The following TSC22D1 variants were observed in gnomAD, a reference collection of about 807,000 sequenced individuals.
The protein encoded by TSC22D1 is TSC22 domain family protein 1.
In TSC22D1, 9 loss-of-function variants were observed where a neutral mutation model predicts 74.2. The ratio of observed to expected loss-of-function variants is 0.12; its 90% CI spans 0.07 to 0.21. The LOEUF (loss-of-function observed/expected upper bound fraction) is 0.21, where lower values mean the gene tolerates loss of function less well. TSC22D1 is among the 10% of genes least tolerant of loss of function. TSC22D1 has a pLI of 1.00. For synonymous variants in TSC22D1, 586 were observed against 492.5 expected (o/e 1.19, Z -2.51); for missense variants, 1,427 against 1,304.7 (o/e 1.09, Z -1.44).
chr13:44,535,815 TAGAGG>T (rs1881102882), intron 1 of TSC22D1, among the ~76,000 whole-genome samples: 1 of 151,972 alleles, frequency 6.6e-6, no homozygotes, highest in Non-Finnish European at 1.5e-5. Flanking sequence ...ACTGATGATG[TAGAGG>T]AGAGTCTATG....
At chr13:44,555,488 C>T (rs1436009305) in intron 1 of TSC22D1, among the ~76,000 whole-genome samples, 1 of 152,130 alleles carries the variant, frequency 6.6e-6, no homozygotes. Context: ...AGCCTGTCAT[C>T]CCAGCTACTC....
chr13:44,545,545 T>C (rs1881765135), intron 1 of TSC22D1, among the ~76,000 whole-genome samples: 1 of 146,818 alleles, frequency 6.8e-6, no homozygotes, highest in African/African-American at 2.5e-5. Flanking sequence ...TTTATTCTTA[T>C]AATGGCCAGC....
chr13:44,501,797 G>T (rs1209532142), intron 1 of TSC22D1, among the ~76,000 whole-genome samples: 1 of 152,156 alleles, frequency 6.6e-6, no homozygotes, highest in African/African-American at 2.4e-5. Context: ...GTGTGAGAGA[G>T]AAAACATAAG....
chr13:44,524,719 AG>A lies in TSC22D1; in HGVS notation c.2912+48443del, dbSNP rs566235819. On this transcript the variant is annotated intron_variant, in intron 1 of 2. Coordinates refer to ENST00000458659, the MANE Select transcript of TSC22D1 (RefSeq NM_183422.4). ...GCCCAGCTAATTTTTGTATTATTTTAGAAGAGATGAGGTTTCACCATGTTGG... is the reference window on the plus strand; with the variant it reads ...GCCCAGCTAATTTTTGTATTATTTTAAAGAGATGAGGTTTCACCATGTTGG... Among the ~76,000 whole-genome samples the A allele has an allele frequency of 4.0e-3, 614 of 152,256 alleles. 4 individuals carry two copies. Among genetic ancestry groups the A allele is most frequent in the Middle Eastern group, 0.014 (4 of 292 alleles).
chr13:44,545,744 A>G (rs1372882704), intron 1 of TSC22D1, among the ~76,000 whole-genome samples: 4 of 152,178 alleles, frequency 2.6e-5, no homozygotes, highest in Non-Finnish European at 5.9e-5. Flanking sequence ...TGGGAGGCCA[A>G]GGCGGGTGGA....
chr13:44,517,857 A>ATATATATATTTTTT (rs10627677), intron 1 of TSC22D1, among the ~76,000 whole-genome samples: 2 of 16,176 alleles, frequency 1.2e-4, no homozygotes, highest in African/African-American at 3.6e-4. Context: ...ATATATATAT[A>ATATATATATTTTTT]TTTTTTTTTT....
At chr13:44,449,989 G>A (rs1875990496) in intron 1 of TSC22D1, among the ~76,000 whole-genome samples, 1 of 152,152 alleles carries the variant, frequency 6.6e-6, no homozygotes, top group Non-Finnish European at 1.5e-5. Flanking sequence ...GTGACTTGGG[G>A]GCAGTTGCAG....
intron 1 of TSC22D1, among the ~76,000 whole-genome samples, chr13:44,533,690 G>A (rs1041529122): frequency 1.3e-5 from 2 of 151,682 alleles, no homozygotes; most frequent in African/African-American, 4.8e-5. Context: ...GGCTGAGGTG[G>A]GAGAATCACT....
intron 1 of TSC22D1, among the ~76,000 whole-genome samples, chr13:44,525,195 GGA>G (rs1491580588): frequency 6.6e-6 from 1 of 152,122 alleles, no homozygotes; most frequent in African/African-American, 2.4e-5. Context: ...CCTAATCACA[GGA>G]CTACATACAG....
chr13:44,495,338 C>A (rs1346463097), intron 1 of TSC22D1, among the ~76,000 whole-genome samples: 1 of 146,842 alleles, frequency 6.8e-6, no homozygotes, highest in Non-Finnish European at 1.5e-5. Context: ...CTATATCTGA[C>A]AAAACTATCT....
intron 1 of TSC22D1, among the ~76,000 whole-genome samples, chr13:44,528,901 TGAA>T (rs1566155184): frequency 5.9e-5 from 9 of 152,076 alleles, no homozygotes; most frequent in Non-Finnish European, 1.3e-4. Flanking sequence ...GCAAATTCCT[TGAA>T]TAATCTATCA....
intron 1 of TSC22D1, among the ~76,000 whole-genome samples, chr13:44,528,380 C>T (rs1173068763): frequency 6.6e-6 from 1 of 151,984 alleles, no homozygotes; most frequent in African/African-American, 2.4e-5. Context: ...ATAACACATA[C>T]CAAATATTTA....
In TSC22D1 at chr13:44,525,126, A is replaced by C. The variant is rs531621919; in HGVS notation, c.2912+48037T>G. On this transcript the variant is annotated intron_variant, in intron 1 of 2. Transcript: ENST00000458659. ...TTGTTCCACCTAAGGGGGGTAAAAA[A>C]GCTGAGAAGCATTTGTAAAGGTGAA... Among the ~76,000 whole-genome samples, 21 of 152,244 alleles carry C rather than the reference A, an allele frequency of 1.4e-4. 1 individual carries two copies. The South Asian group carries it at 4.1e-3, about 30-fold the overall frequency.
intron 1 of TSC22D1, among the ~76,000 whole-genome samples, chr13:44,510,806 G>A (rs747552923): frequency 1.3e-5 from 2 of 152,070 alleles, no homozygotes; most frequent in African/African-American, 4.8e-5. Flanking sequence ...ATGTTGACCA[G>A]GCTGGTCTCA....
At chr13:44,437,158 G>GC (rs1455372339) in intron 1 of TSC22D1, 15 of 985,436 alleles carry the variant, frequency 1.5e-5, no homozygotes, top group Middle Eastern at 5.2e-4. Flanking sequence ...TACTATGGGG[G>GC]CCCCCACACG....
At chr13:44,525,614 C>CT (rs1880510171) in intron 1 of TSC22D1, among the ~76,000 whole-genome samples, 1 of 151,642 alleles carries the variant, frequency 6.6e-6, no homozygotes. Flanking sequence ...AAAAGGGAGT[C>CT]TCTAGGGAAA....
intron 1 of TSC22D1, among the ~76,000 whole-genome samples, chr13:44,465,837 G>A (rs559480621): frequency 6.6e-6 from 1 of 152,242 alleles, no homozygotes; most frequent in African/African-American, 2.4e-5. Context: ...GCCAGGTGTG[G>A]TGGCAGGCAC....
intron 1 of TSC22D1, among the ~76,000 whole-genome samples, chr13:44,531,880 T>C (rs991031301): frequency 6.6e-6 from 1 of 152,194 alleles, no homozygotes; most frequent in African/African-American, 2.4e-5. Flanking sequence ...ATTCTCAAAC[T>C]TTCAGGACTA....
Position 44,541,082 on chromosome 13 carries a change from A to T in TSC22D1, c.2912+32081T>A, listed in dbSNP as rs11617676. On this transcript the variant is annotated intron_variant, in intron 1 of 2. Transcript: ENST00000458659. ...CCTCTCATACCAACTAGTTATCACA[A>T]GGGTTCCTTACCTGTTAGTGGAACG... Among the ~76,000 whole-genome samples the T allele has an allele frequency of 4.0e-3, 612 of 152,304 alleles. 5 individuals are homozygous for T. The highest frequency in any genetic ancestry group is 0.017 in the Middle Eastern group (5 of 294).
Sources: allele counts gnomAD v4.1 joint callset (sites outside exome capture counted in the v4.1 genomes callset), GRCh38; gene constraint gnomAD v4.1.1; transcripts MANE v1.5; gene names NCBI Gene and HGNC (gene_info 2026-07-23, HGNC 2026-07-21).